GRIN3A: variants seen among roughly 807,000 people sequenced by gnomAD.
GRIN3A encodes glutamate receptor ionotropic, NMDA 3A.
GRIN3A carries 47 observed loss-of-function variants against 92.4 expected under a neutral mutation model. That is an observed-to-expected ratio of 0.51 (90% CI 0.40 to 0.65). The LOEUF (loss-of-function observed/expected upper bound fraction) is 0.65, where lower values mean the gene tolerates loss of function less well. Ranked by LOEUF, GRIN3A falls within the 30% of genes least tolerant of loss-of-function variation. The pLI, the probability that GRIN3A is intolerant of heterozygous loss-of-function variation, is 0.00. For missense variants in GRIN3A, 1,324 were observed against 1,393.1 expected (o/e 0.95, Z 0.79); for synonymous variants, 527 against 540.6 (o/e 0.97, Z 0.35).
intron 4 of GRIN3A, 41 bp from the exon 5 acceptor site, chr9:101,623,474 T>C: frequency 7.4e-7 from 1 of 1,342,764 alleles, no homozygotes; most frequent in Non-Finnish European, 1.1e-6. Flanking sequence ...AATGATTCAT[T>C]AATGGGAAGG....
chr9:101,621,818 A>G, intron 5 of GRIN3A, among the ~76,000 whole-genome samples: 1 of 152,186 alleles, frequency 6.6e-6, no homozygotes, highest in Non-Finnish European at 1.5e-5. Flanking sequence ...TCCTCTACCC[A>G]TGATTCATTG....
At position 101,670,844 on chromosome 9, in the gene GRIN3A, T is replaced by C. The variant is rs1226030242; in HGVS notation, c.1568A>G (p.His523Arg). ...LHLRVVTLIEHPFVFTREVDD... is the reference protein window; with the variant it reads ...LHLRVVTLIERPFVFTREVDD... ...TACCTCCCTTGTGAAGACAAAAGGA[T>C]GCTCAATCAGGGTAACCACTCTCAA... is the stretch of plus-strand genomic sequence containing the variant. Residue 523 changes from histidine (H) to arginine (R), a missense_variant, in exon 3 of 9, where the codon CAT (histidine) becomes CGT (arginine). By Grantham distance (29) the His-to-Arg change is conservative. Transcript: ENST00000361820. 1 of 1,613,920 alleles carries C rather than the reference T, an allele frequency of 6.2e-7. No individual in the cohort carries two copies. Among genetic ancestry groups the C allele is most frequent in the Admixed American group, 1.7e-5 (1 of 59,996 alleles).
chr9:101,684,362 C>G (rs1209347225), intron 2 of GRIN3A, among the ~76,000 whole-genome samples: 1 of 149,586 alleles, frequency 6.7e-6, no homozygotes, highest in African/African-American at 2.5e-5. Flanking sequence ...CCGCCCACCT[C>G]GGCCTCCCAA....
chr9:101,595,694 T>G (rs117581572), intron 6 of GRIN3A, among the ~76,000 whole-genome samples: 2 of 152,308 alleles, frequency 1.3e-5, no homozygotes, highest in East Asian at 1.9e-4. Context: ...CCGAGGAATA[T>G]AAACAATGCT....
At chr9:101,583,492 C>G (rs1458034593) in intron 6 of GRIN3A, among the ~76,000 whole-genome samples, 1 of 152,108 alleles carries the variant, frequency 6.6e-6, no homozygotes, top group East Asian at 1.9e-4. Flanking sequence ...CAAGTGAAAA[C>G]TTTCTTTCTA....
chr9:101,574,121 A>G (rs1241551975), intron 8 of GRIN3A, among the ~76,000 whole-genome samples: 2 of 152,184 alleles, frequency 1.3e-5, no homozygotes, highest in African/African-American at 4.8e-5. Context: ...GATGCTTAAA[A>G]AAATCCCGAG....
At chr9:101,693,794 T>G (rs573860291) in intron 1 of GRIN3A, among the ~76,000 whole-genome samples, 1 of 152,290 alleles carries the variant, frequency 6.6e-6, no homozygotes, top group South Asian at 2.1e-4. Context: ...TGAACAACAC[T>G]TTAAAAAAGA....
rs1416441926 is a variant in GRIN3A, at chr9:101,573,526, G to T, written c.3009-13C>A. ...TCCCACATTAGACCTAGGAAACAGA[G>T]AAATTTTAGATTTACTTTCCATTCT... On this transcript the variant is annotated splice_polypyrimidine_tract_variant and intron_variant, in intron 8 of 8. Transcript: ENST00000361820. 6.3e-7 allele frequency: 1 copy of T among 1,599,422 alleles called. No individual in the cohort carries two copies. The highest frequency in any genetic ancestry group is 1.1e-5 in the South Asian group (1 of 90,814).
intron 3 of GRIN3A, among the ~76,000 whole-genome samples, chr9:101,649,991 AG>A (rs1828993286): frequency 6.6e-6 from 1 of 152,064 alleles, no homozygotes; most frequent in African/African-American, 2.4e-5. Context: ...GAAATGGAAT[AG>A]GAGTTGAAAC....
intron 6 of GRIN3A, chr9:101,594,429 T>G (rs376770102): frequency 1.9e-6 from 3 of 1,609,750 alleles, no homozygotes; most frequent in African/African-American, 2.7e-5. Flanking sequence ...AGGACCAGCT[T>G]CTTGTGGATC....
Position 101,577,776 on chromosome 9 carries a change from C to T in GRIN3A, c.3000G>A (p.Val1000=), listed in dbSNP as rs759934732. Residue 1000 remains valine, a synonymous_variant, in exon 8 of 9, where the codon GTG becomes GTA. Transcript: ENST00000361820. ...CATTGGCCCCTTCTTACCTCTTTTC[C>T]ACACGTTTGGTCTTGAAATGCTGCT... is the stretch of plus-strand genomic sequence containing the variant. ...EKQQHFKTKR[V]EKRSNVGPRQ... 1.9e-5 allele frequency: 31 copies of T among 1,611,600 alleles called. No individual in the cohort carries two copies. In the South Asian group the frequency reaches 2.7e-4, roughly 14 times the overall value.
At chr9:101,714,541 C>T (rs1829920877) in intron 1 of GRIN3A, among the ~76,000 whole-genome samples, 1 of 151,982 alleles carries the variant, frequency 6.6e-6, no homozygotes, top group African/African-American at 2.4e-5. Context: ...TCCTATTGTC[C>T]CCTGTAGTTA....
intron 6 of GRIN3A, chr9:101,594,156 A>T (rs773817254): frequency 3.6e-4 from 155 of 426,416 alleles, no homozygotes; most frequent in Non-Finnish European, 5.5e-4. Flanking sequence ...AAAGATGTTT[A>T]TAAAAGCCAT....
intron 3 of GRIN3A, among the ~76,000 whole-genome samples, chr9:101,664,972 A>G (rs1829219729): frequency 6.6e-6 from 1 of 151,932 alleles, no homozygotes; most frequent in African/African-American, 2.4e-5. Context: ...CTTACCTTGT[A>G]AGTCAATAGC....
chr9:101,643,441 A>G (rs1215133771), intron 3 of GRIN3A, among the ~76,000 whole-genome samples: 1 of 152,112 alleles, frequency 6.6e-6, no homozygotes, highest in African/African-American at 2.4e-5. Context: ...ACCCTTGTAC[A>G]CTGACAGTGG....
At chr9:101,680,398 T>C (rs141529939) in intron 2 of GRIN3A, among the ~76,000 whole-genome samples, 1 of 152,324 alleles carries the variant, frequency 6.6e-6, no homozygotes, top group East Asian at 1.9e-4. Flanking sequence ...CTTAAGAATA[T>C]ATGCAGAATC....
Position 101,671,022 on chromosome 9 carries a change from A to T in GRIN3A, c.1390T>A (p.Phe464Ile). The T allele has an allele frequency of 6.2e-7, 1 of 1,613,930 alleles. No individual in the cohort carries two copies. The highest frequency in any genetic ancestry group is 2.2e-5 in the East Asian group (1 of 44,842). The change falls in exon 3 of 9, where the codon TTC (phenylalanine) becomes ATC (isoleucine). Residue 464 changes from phenylalanine (F) to isoleucine (I), a missense_variant. Transcript: ENST00000361820. ...STIVSSENNF[F>I]IWNLQHDPMG... ...GGGTCATGTTGAAGATTCCAGATGA[A>T]AAAGTTGTTTTCTGAGCTGACGATG...
chr9:101,584,829 G>A (rs1006172800), intron 6 of GRIN3A, among the ~76,000 whole-genome samples: 6 of 152,152 alleles, frequency 3.9e-5, no homozygotes, highest in Admixed American at 2.6e-4. Flanking sequence ...TTCAGATGTC[G>A]TCACTTGAAA....
chr9:101,623,454 G>C (rs780241824), intron 4 of GRIN3A, 21 bp from the exon 5 acceptor site: 1 of 1,462,562 alleles, frequency 6.8e-7, no homozygotes, highest in South Asian at 1.1e-5. Context: ...GACCAGAGGA[G>C]AAAAGTGAAA....
Sources: gnomAD v4.1 joint callset for allele counts (sites outside exome capture counted in the v4.1 genomes callset) on GRCh38, gnomAD v4.1.1 for gene constraint, MANE v1.5 for transcripts, NCBI Gene and HGNC (gene_info 2026-07-23, HGNC 2026-07-21) for gene names.